Variants in PIKFYVE observed in about 807,000 individuals in gnomAD.
PIKFYVE encodes the protein 1-phosphatidylinositol 3-phosphate 5-kinase.
Under a neutral mutation model 257.9 loss-of-function variants are expected in PIKFYVE, and 122 were observed. The observed-to-expected ratio is 0.47, with a 90% CI of 0.41 to 0.55. PIKFYVE has a LOEUF of 0.55. Ranked by LOEUF, PIKFYVE falls within the 20% of genes least tolerant of loss-of-function variation. The pLI is 0.00. For synonymous variants in PIKFYVE, 892 were observed against 868.9 expected, an observed-to-expected ratio of 1.03 and a Z score of -0.47; for missense variants, 2,160 against 2,536.6, an observed-to-expected ratio of 0.85 and a Z score of 3.19.
At chr2:208,341,828 G>T (rs923906297) in intron 31 of PIKFYVE, among the ~76,000 whole-genome samples, 1 of 151,960 alleles carries the variant, frequency 6.6e-6, no homozygotes, top group African/African-American at 2.4e-5. Context: ...TTTTGTGGGA[G>T]CTGGGAGGGT....
chr2:208,341,087 A>G (rs990471946), intron 31 of PIKFYVE, among the ~76,000 whole-genome samples: 1 of 151,834 alleles, frequency 6.6e-6, no homozygotes, highest in Non-Finnish European at 1.5e-5. Flanking sequence ...GGCTCATTGC[A>G]ACCTCTGCCT....
chr2:208,347,530 T>C (rs1027916046), intron 34 of PIKFYVE, among the ~76,000 whole-genome samples: 3 of 152,228 alleles, frequency 2.0e-5, no homozygotes, highest in African/African-American at 7.2e-5. Context: ...TTGCTTAAGC[T>C]GTGACTGCCT....
chr2:208,288,092 G>A (rs1261568405), intron 6 of PIKFYVE, among the ~76,000 whole-genome samples: 1 of 152,202 alleles, frequency 6.6e-6, no homozygotes, highest in African/African-American at 2.4e-5. Context: ...GGGCAGATGT[G>A]ATTTAACAAA....
intron 4 of PIKFYVE, 104 bp from the exon 5 acceptor site, chr2:208,277,433 A>G (rs1690257445): frequency 7.9e-7 from 1 of 1,261,608 alleles, no homozygotes; most frequent in Non-Finnish European, 1.1e-6. Flanking sequence ...TGAATTTTTG[A>G]ATTAGTTTGT....
chr2:208,305,276 C>T, intron 12 of PIKFYVE: 1 of 1,330,838 alleles, frequency 7.5e-7, no homozygotes, highest in Non-Finnish European at 9.7e-7. Context: ...CATCTGACTG[C>T]TCTTCCCATA....
rs559029089 is a variant in PIKFYVE, at chr2:208,305,409, A to G, written c.1636+396A>G. On this transcript the variant is annotated intron_variant, in intron 12 of 41. Transcript: ENST00000264380. ...GCCTTTGCCGTTACCCAGTAACATA[A>G]TATTTCACTAAACCCATTAAGATGC... is the stretch of plus-strand genomic sequence containing the variant. The G allele has an allele frequency of 1.0e-5, 11 of 1,079,838 alleles. 1 individual carries two copies. Among genetic ancestry groups the G allele is most frequent in the Middle Eastern group, 4.3e-4 (1 of 2,310 alleles). 66.9% of individuals were successfully genotyped at this position (1,079,838 alleles called of 1,614,324 possible).
At chr2:208,320,215 CCTTTAAACA>C in intron 16 of PIKFYVE, 28 bp from the exon 17 acceptor site, 1 of 1,601,982 alleles carries the variant, frequency 6.2e-7, no homozygotes, top group Middle Eastern at 1.8e-4. Context: ...AAAATGCAAA[CCTTTAAACA>C]CTTTAACAAA....
At position 208,350,071 on chromosome 2, in the gene PIKFYVE, C is replaced by T; in HGVS notation, c.5422C>T (p.His1808Tyr). The T allele has an allele frequency of 6.2e-7, 1 of 1,612,362 alleles. No individual in the cohort carries two copies. The highest frequency in any genetic ancestry group is 8.5e-7 in the Non-Finnish European group (1 of 1,178,946). ...DTQKKQLINP[H>Y]VELQFSDANA... ...ACAAAAGAAGCAACTCATAAATCCT[C>T]ATGTGGAACTTCGTAAGTATGAGAT... Residue 1808 changes from histidine to tyrosine, a missense_variant, in exon 36 of 42, where the codon CAT (histidine) becomes TAT (tyrosine). Physicochemically the swap from His to Tyr is moderately conservative, Grantham distance 83. Around this residue, in one of 12 missense-constraint regions of PIKFYVE, gnomAD observed 699 missense variants for 855.8 expected, o/e 0.82. Transcript: ENST00000264380.
At chr2:208,351,693 G>A (rs1699788640) in intron 38 of PIKFYVE, among the ~76,000 whole-genome samples, 1 of 152,154 alleles carries the variant, frequency 6.6e-6, no homozygotes, top group African/African-American at 2.4e-5. Context: ...GGAAGGCAAG[G>A]GGAGCCAGCA....
Position 208,329,836 on chromosome 2 carries a change from CT to C in PIKFYVE, c.3720-3del. On this transcript the variant is annotated splice_region_variant and splice_polypyrimidine_tract_variant and intron_variant, in intron 21 of 41. Transcript: ENST00000264380. The stretch of plus-strand genomic sequence containing the variant: ...TTATGTTTCTAAGAGGTGGTCTCTT[CT>C]TTAGGATTGTAACAATGGAATTTTA... 1 of 1,610,552 alleles carries C rather than the reference CT, an allele frequency of 6.2e-7. No homozygotes were observed. The highest frequency in any genetic ancestry group is 2.2e-5 in the East Asian group (1 of 44,700).
chr2:208,325,276 C>T lies in PIKFYVE; in HGVS notation c.2465C>T (p.Thr822Ile). 6.2e-7 allele frequency: 1 copy of T among 1,613,694 alleles called. No homozygotes were observed. The highest frequency in any genetic ancestry group is 8.5e-7 in the Non-Finnish European group (1 of 1,179,842). Residue 822 changes from threonine to isoleucine, a missense_variant, in exon 20 of 42, where the codon ACC becomes ATC. Transcript: ENST00000264380. ...TGTTTGTTTTTGTTTGTAGAACAAA[C>T]CAAGACACTGATGTTTTTTGAAGGT... is the stretch of plus-strand genomic sequence containing the variant. ...MQIFQLPNEQ[T>I]KTLMFFEGCP...
rs372792800 is a variant in PIKFYVE at position 208,325,645 on chromosome 2, A to G, written c.2834A>G (p.Asn945Ser). The change falls in exon 20 of 42, where the codon AAT (asparagine) becomes AGT (serine). Residue 945 changes from asparagine (N) to serine (S), a missense_variant. Physicochemically the swap from Asn to Ser is conservative, Grantham distance 46. Transcript: ENST00000264380. ...GAGAAGGGTGAGCAGGAAAATAAAA[A>G]TCTTCCGCAGGCTGTTGCCTCTGTG... ...VFEKGEQENK[N>S]LPQAVASVKH... The G allele has an allele frequency of 2.3e-5, 37 of 1,614,000 alleles. No individual in the cohort carries two copies. In the African/African-American group the frequency reaches 3.3e-4, roughly 15 times the overall value.
In PIKFYVE at chr2:208,335,364, C is replaced by T. The variant is rs757861677; in HGVS notation, c.4201C>T (p.Arg1401Cys). 1.2e-5 allele frequency: 20 copies of T among 1,612,828 alleles called. No individual in the cohort carries two copies. The highest frequency in any genetic ancestry group is 8.3e-5 in the Admixed American group (5 of 59,998). The change falls in exon 25 of 42, where the codon CGT (arginine) becomes TGT (cysteine). Residue 1401 changes from arginine to cysteine, a missense_variant. By Grantham distance (180) the Arg-to-Cys change is radical. This residue lies in a region of PIKFYVE where 699 missense variants were observed against 855.8 expected (regional missense o/e 0.82). Transcript: ENST00000264380. ...CVPLPKIFIKRQAPLKVSLLQ... is the reference protein window; with the variant it reads ...CVPLPKIFIKCQAPLKVSLLQ... ...TCCACTCCCCAAAATATTCATTAAGCGTCAGGCCCCATTAAAAGTGTCCCT... is the reference window on the plus strand; with the variant it reads ...TCCACTCCCCAAAATATTCATTAAGTGTCAGGCCCCATTAAAAGTGTCCCT...
intron 25 of PIKFYVE, among the ~76,000 whole-genome samples, 165 bp downstream of exon 25, chr2:208,335,584 AAAG>A (rs200392695): frequency 0.011 from 1,645 of 152,348 alleles, 14 homozygotes; most frequent in Middle Eastern, 0.051. Context: ...AGATAATAAA[AAAG>A]AAGCCAAACT....
chr2:208,345,354 A>C (rs1449317238), intron 33 of PIKFYVE, among the ~76,000 whole-genome samples, 160 bp downstream of exon 33: 1 of 152,166 alleles, frequency 6.6e-6, no homozygotes, highest in Non-Finnish European at 1.5e-5. Context: ...ACAAAGCTCA[A>C]ATATAGCAAA....
intron 38 of PIKFYVE, among the ~76,000 whole-genome samples, chr2:208,351,878 C>T (rs1370934610): frequency 6.6e-6 from 1 of 152,290 alleles, no homozygotes; most frequent in East Asian, 1.9e-4. Flanking sequence ...TCTCACCAGG[C>T]CGCACCTCCA....
chr2:208,312,154 T>G, intron 12 of PIKFYVE, 82 bp from the exon 13 acceptor site: 1 of 1,011,260 alleles, frequency 9.9e-7, no homozygotes, highest in Non-Finnish European at 1.6e-6. Context: ...TGTGGGCGTA[T>G]TCTCTATATA....
intron 2 of PIKFYVE, among the ~76,000 whole-genome samples, chr2:208,272,802 A>AAAC (rs1254537501): frequency 3.5e-4 from 53 of 152,296 alleles, no homozygotes; most frequent in African/African-American, 1.2e-3. Context: ...CTTAAAAAAA[A>AAAC]AAACTATTTT....
chr2:208,328,404 A>T (rs1697177601), intron 21 of PIKFYVE, 124 bp downstream of exon 21: 2 of 1,111,182 alleles, frequency 1.8e-6, no homozygotes, highest in Admixed American at 2.1e-5. Context: ...TGCTGGTCAT[A>T]TATGAATTGA....
Sources: gnomAD v4.1 joint callset for allele counts (sites outside exome capture counted in the v4.1 genomes callset) on GRCh38, gnomAD v4.1.1 for gene constraint, gnomAD v4.1.1 regional missense constraint, MANE v1.5 for transcripts, NCBI Gene and HGNC (gene_info 2026-07-23, HGNC 2026-07-21) for gene names.